The following FNIP1 variants were observed in gnomAD, a reference collection of about 807,000 sequenced individuals.
FNIP1 encodes folliculin-interacting protein 1.
Under a neutral mutation model 124.5 loss-of-function variants are expected in FNIP1, and 40 were observed. The observed-to-expected ratio is 0.32, with a 90% confidence interval of 0.25 to 0.42. FNIP1 has a LOEUF of 0.42. Ranked by LOEUF, FNIP1 falls within the 10% of genes least tolerant of loss-of-function variation. FNIP1 has a pLI of 1.00. For missense variants in FNIP1, 1,176 were observed against 1,403.7 expected (o/e 0.84, Z 2.59); for synonymous variants, 472 against 470.6 (o/e 1.00, Z -0.04).
intron 1 of FNIP1, among the ~76,000 whole-genome samples, chr5:131,775,057 C>A (rs1475531396): frequency 6.6e-6 from 1 of 152,170 alleles, no homozygotes; most frequent in African/African-American, 2.4e-5. Context: ...AAGCAAGTTG[C>A]CAGTTTCTCC....
At chr5:131,759,124 G>T (rs1771144799) in intron 1 of FNIP1, among the ~76,000 whole-genome samples, 2 of 152,048 alleles carry the variant, frequency 1.3e-5, no homozygotes, top group South Asian at 2.1e-4. Flanking sequence ...AGATTTAAAT[G>T]TAAGATCTCA....
intron 2 of FNIP1, among the ~76,000 whole-genome samples, chr5:131,733,069 G>A (rs1329033063): frequency 2.6e-5 from 4 of 151,916 alleles, no homozygotes; most frequent in Non-Finnish European, 4.4e-5. Flanking sequence ...GGATTCCTAG[G>A]TATTTTATTC....
chr5:131,681,720 T>C (rs1235782254), intron 11 of FNIP1, among the ~76,000 whole-genome samples: 12 of 95,464 alleles, frequency 1.3e-4, no homozygotes, highest in Non-Finnish European at 1.8e-4. Context: ...AAGGAAAATA[T>C]GAAAAAAAAG....
chr5:131,661,832 A>G lies in FNIP1; in HGVS notation c.3108+8631T>C, dbSNP rs1017549423. Among the ~76,000 whole-genome samples, 17 of 152,328 alleles carry G rather than the reference A, an allele frequency of 1.1e-4. 1 individual carries two copies. The highest frequency in any genetic ancestry group is 2.9e-5 in the Non-Finnish European group (2 of 68,026). On this transcript the variant is annotated intron_variant, in intron 15 of 17. Coordinates refer to ENST00000510461, the MANE Select transcript of FNIP1 (RefSeq NM_133372.3). Reference sequence around the variant, plus strand: ...GCCTCTCTCTCTCTGTGCAAATTAGATAAGTGAATGGTAAAAATCACTGTT... The same window carrying G: ...GCCTCTCTCTCTCTGTGCAAATTAGGTAAGTGAATGGTAAAAATCACTGTT...
chr5:131,794,558 G>A (rs1772514550), intron 1 of FNIP1, among the ~76,000 whole-genome samples: 1 of 152,068 alleles, frequency 6.6e-6, no homozygotes, highest in Non-Finnish European at 1.5e-5. Flanking sequence ...CCAAATCTGG[G>A]GAAAAAATAT....
chr5:131,730,717 G>C (rs1195047069), intron 3 of FNIP1, among the ~76,000 whole-genome samples, 187 bp downstream of exon 3: 1 of 152,166 alleles, frequency 6.6e-6, no homozygotes, highest in Admixed American at 6.5e-5. Flanking sequence ...TATGCCTATA[G>C]CTTTCTACTT....
chr5:131,649,528 G>A (rs190374361), intron 16 of FNIP1, among the ~76,000 whole-genome samples: 108 of 152,084 alleles, frequency 7.1e-4, no homozygotes, highest in Middle Eastern at 3.4e-3. Context: ...TTGAGTTGTA[G>A]GAGTTATTTA....
At chr5:131,732,342 ATTTAAAGTAAAAAGAATAAAAGCT>A (rs1370367013) in intron 2 of FNIP1, among the ~76,000 whole-genome samples, 1 of 152,224 alleles carries the variant, frequency 6.6e-6, no homozygotes, top group East Asian at 1.9e-4. Context: ...CTAACCAAAA[ATTTAAAGTAAAAAGAATAAAAGCT>A]TTAGAACTAG....
chr5:131,698,047 C>G (rs1768767998), intron 11 of FNIP1, among the ~76,000 whole-genome samples: 1 of 151,508 alleles, frequency 6.6e-6, no homozygotes, highest in South Asian at 2.1e-4. Flanking sequence ...TGCTAAGTAC[C>G]TTACACACAC....
intron 5 of FNIP1, among the ~76,000 whole-genome samples, chr5:131,718,210 C>T (rs1162931547): frequency 6.6e-6 from 1 of 151,434 alleles, no homozygotes; most frequent in Middle Eastern, 3.2e-3. Context: ...AAAAAGACTA[C>T]CTCCCACTTT....
At chr5:131,750,591 G>A (rs1450070634) in intron 1 of FNIP1, among the ~76,000 whole-genome samples, 1 of 151,718 alleles carries the variant, frequency 6.6e-6, no homozygotes, top group Non-Finnish European at 1.5e-5. Context: ...TTTGGGTTGA[G>A]GGGAGGTATA....
chr5:131,796,707 G>A (rs1198391687), intron 1 of FNIP1, 123 bp downstream of exon 1: 2 of 871,672 alleles, frequency 2.3e-6, no homozygotes, highest in Admixed American at 2.7e-5. Flanking sequence ...CCCCACCGAG[G>A]ACCAGATGCT....
At chr5:131,753,647 C>T (rs1035675291) in intron 1 of FNIP1, among the ~76,000 whole-genome samples, 13 of 152,030 alleles carry the variant, frequency 8.6e-5, no homozygotes, top group African/African-American at 3.1e-4. Flanking sequence ...TCAAAATGTC[C>T]TTTATCTTTA....
intron 1 of FNIP1, among the ~76,000 whole-genome samples, chr5:131,773,855 G>A (rs951777896): frequency 6.6e-6 from 1 of 152,080 alleles, no homozygotes; most frequent in Non-Finnish European, 1.5e-5. Context: ...GGGGTATGTG[G>A]CAGGAAAAAT....
chr5:131,769,810 C>T (rs1397836311), intron 1 of FNIP1, among the ~76,000 whole-genome samples: 1 of 152,162 alleles, frequency 6.6e-6, no homozygotes. Context: ...GAAGCAATTA[C>T]GACTGCTTTT....
In FNIP1 at chr5:131,648,824, C is replaced by T. The variant is rs114777580; in HGVS notation, c.3307-1619G>A. ...AATAACTCCTTATTCTCTTCTTACC[C>T]GCAGCCCCTGGTAACCACTATTTTA... On this transcript the variant is annotated intron_variant, in intron 16 of 17. Transcript: ENST00000510461. Among the ~76,000 whole-genome samples the T allele has an allele frequency of 4.7e-3, 721 of 152,246 alleles. 8 individuals carry two copies. Among genetic ancestry groups the T allele is most frequent in the African/African-American group, 0.016 (684 of 41,546 alleles).
intron 6 of FNIP1, among the ~76,000 whole-genome samples, chr5:131,714,652 C>A (rs139676017): frequency 1.3e-5 from 2 of 152,196 alleles, no homozygotes; most frequent in Non-Finnish European, 2.9e-5. Flanking sequence ...GGTCTGTGTA[C>A]GTACCACTGC....
intron 8 of FNIP1, among the ~76,000 whole-genome samples, chr5:131,707,008 A>C (rs181475985): frequency 6.6e-6 from 1 of 152,346 alleles, no homozygotes; most frequent in Non-Finnish European, 1.5e-5. Context: ...TCACATGTGC[A>C]CATGTAGTCA....
At chr5:131,782,075 G>A (rs1338005899) in intron 1 of FNIP1, among the ~76,000 whole-genome samples, 1 of 152,054 alleles carries the variant, frequency 6.6e-6, no homozygotes, top group Non-Finnish European at 1.5e-5. Context: ...GATCACTTAA[G>A]CCCAGGAGTT....
Sources: gnomAD v4.1 joint callset for allele counts (sites outside exome capture counted in the v4.1 genomes callset) on GRCh38, gnomAD v4.1.1 for gene constraint, MANE v1.5 for transcripts, NCBI Gene and HGNC (gene_info 2026-07-23, HGNC 2026-07-21) for gene names.